The following FGF13 variants were observed in gnomAD, a reference collection of about 807,000 sequenced individuals.
FGF13 encodes fibroblast growth factor 13, also known as fibroblast growth factor homologous factor 2.
FGF13 carries 2 observed loss-of-function variants against 19.5 expected under a neutral mutation model. The observed-to-expected ratio is 0.10, with a 90% CI of 0.04 to 0.32. The LOEUF (loss-of-function observed/expected upper bound fraction) is 0.32. FGF13 is among the 10% of genes least tolerant of loss of function. The pLI is 1.00. For missense variants in FGF13, 113 were observed against 192.7 expected (o/e 0.59, Z 2.45); for synonymous variants, 72 against 76.9 (o/e 0.94, Z 0.33).
At chrX:138,806,632 TA>T (rs1339731488) in intron 3 of FGF13, 1 of 112,036 alleles carries the variant, frequency 8.9e-6, no homozygotes, top group Non-Finnish European at 1.9e-5. Context: ...GTGGTCTCTA[TA>T]AAACGCCTCA....
intron 3 of FGF13, among the ~76,000 whole-genome samples, chrX:138,811,959 A>G (rs1160498706): frequency 1.8e-5 from 2 of 108,796 alleles, no homozygotes; most frequent in African/African-American, 6.7e-5. Flanking sequence ...TTTTTTTTAC[A>G]GTTCAGTGGT....
intron 3 of FGF13, among the ~76,000 whole-genome samples, chrX:138,679,064 A>G (rs746454758): frequency 4.0e-4 from 45 of 111,684 alleles, no homozygotes; most frequent in Admixed American, 2.9e-3. Flanking sequence ...TAACCCCATG[A>G]ATAGATAATG....
chrX:138,808,147 C>T lies in FGF13; in HGVS notation c.217+49365G>A, dbSNP rs189262093. On this transcript the variant is annotated intron_variant, in intron 3 of 6. Coordinates refer to the FGF13 transcript ENST00000436198. ...AATCAACAGAATATACATTCTTCTC[C>T]GCACCACATCGCACTTATTCTAAAA... 2.9e-3 allele frequency among the ~76,000 whole-genome samples: 326 copies of T among 111,427 alleles called. 3 individuals carry two copies. Among genetic ancestry groups the T allele is most frequent in the African/African-American group, 9.4e-3 (287 of 30,662 alleles).
chrX:139,122,518 A>T lies in FGF13; in HGVS notation c.-113+80898T>A, dbSNP rs140941489. On this transcript the variant is annotated intron_variant, in intron 1 of 2. Transcript: ENST00000421460. Reference sequence around the variant, plus strand: ...TAGGCAATTCTCACTCATCTTATTCAACCTTTCTGTGGCATTTGACACGTG... The same window carrying T: ...TAGGCAATTCTCACTCATCTTATTCTACCTTTCTGTGGCATTTGACACGTG... Among the ~76,000 whole-genome samples the T allele has an allele frequency of 7.2e-5, 8 of 111,663 alleles. No individual in the cohort carries two copies. The East Asian group carries it at 2.3e-3, about 32-fold the overall frequency.
chrX:138,940,132 C>T (rs1413351657), intron 1 of FGF13, among the ~76,000 whole-genome samples: 5 of 110,876 alleles, frequency 4.5e-5, no homozygotes, highest in African/African-American at 1.6e-4. Context: ...TGAGATGCTA[C>T]GTTATTGTGG....
rs974045370 is a variant in FGF13, at chrX:138,627,631, G to C, written c.*5219C>G. 2 of 75,157 alleles carry C rather than the reference G, an allele frequency of 2.7e-5. No individual in the cohort carries two copies. Among genetic ancestry groups the C allele is most frequent in the African/African-American group, 1.2e-4 (2 of 16,836 alleles). 6.2% of individuals were successfully genotyped at this position (75,157 alleles called of 1,213,427 possible). A position where few individuals can be genotyped will look rare whatever the true frequency, so the allele number is the denominator to read the frequency against. ...TGTGTGTGTGTGTGTGTGTGTGCGC[G>C]TGTGTGTGTGTGTGTGTGTGAAGTG... On this transcript the variant is annotated 3_prime_UTR_variant, in exon 5 of 5. Transcript: ENST00000315930.
chrX:138,635,338 C>T (rs2089170725), intron 4 of FGF13, 119 bp downstream of exon 4: 1 of 673,641 alleles, frequency 1.5e-6, no homozygotes, highest in Non-Finnish European at 2.2e-6. Context: ...CAGAAATCAC[C>T]ACTAAATAGC....
At chrX:139,200,366 A>T (rs1465723509) in intron 1 of FGF13, among the ~76,000 whole-genome samples, 1 of 112,328 alleles carries the variant, frequency 8.9e-6, no homozygotes, top group Non-Finnish European at 1.9e-5. Context: ...TGGCTGCATG[A>T]CCACAGTGAC....
chrX:138,636,010 C>T (rs1184758479), intron 3 of FGF13, among the ~76,000 whole-genome samples: 1 of 111,983 alleles, frequency 8.9e-6, no homozygotes, highest in Non-Finnish European at 1.9e-5. Flanking sequence ...GCTTTGTTCC[C>T]TTCAGGGTTC....
At chrX:138,957,597 T>A (rs1188678188) in intron 1 of FGF13, among the ~76,000 whole-genome samples, 1 of 111,459 alleles carries the variant, frequency 9.0e-6, no homozygotes, top group African/African-American at 3.3e-5. Flanking sequence ...AATCTATAAA[T>A]TACCTTGGGC....
intron 1 of FGF13, among the ~76,000 whole-genome samples, chrX:138,984,345 T>A (rs1322721968): frequency 9.6e-6 from 1 of 104,553 alleles, no homozygotes; most frequent in African/African-American, 3.5e-5. Flanking sequence ...GAGGCGGAGG[T>A]TGTAGTGAAC....
chrX:138,876,932 C>A (rs1351682294), intron 1 of FGF13, among the ~76,000 whole-genome samples: 1 of 112,516 alleles, frequency 8.9e-6, no homozygotes, highest in East Asian at 2.8e-4. Flanking sequence ...TTAATAGAAT[C>A]TAAGTAAAGC....
upstream of FGF13, chrX:138,714,059 A>G (rs1377241554): frequency 9.0e-6 from 1 of 111,264 alleles, no homozygotes; most frequent in Non-Finnish European, 1.9e-5. Context: ...CCTCTGTCAC[A>G]TGTTCCTGCC....
intron 3 of FGF13, among the ~76,000 whole-genome samples, chrX:138,817,272 C>T (rs1418181664): frequency 8.0e-5 from 9 of 111,867 alleles, no homozygotes; most frequent in African/African-American, 1.3e-4. Flanking sequence ...TGGCCACAGA[C>T]ACTGGGCTTC....
intron 3 of FGF13, among the ~76,000 whole-genome samples, chrX:138,849,732 G>A (rs1347682172): frequency 1.8e-5 from 2 of 111,792 alleles, no homozygotes; most frequent in Non-Finnish European, 3.8e-5. Context: ...AAGTTGGCAA[G>A]ACATCATCCC....
intron 1 of FGF13, among the ~76,000 whole-genome samples, chrX:138,977,491 G>A (rs2091944263): frequency 8.9e-6 from 1 of 112,289 alleles, no homozygotes; most frequent in Non-Finnish European, 1.9e-5. Flanking sequence ...TGTGGGAAAA[G>A]GTTTCTTTTT....
rs2088991956 is a variant in FGF13, at chrX:138,619,008, A to T, written c.*13842T>A. ...TCAAATGTGAACATGGCAACACGAG[A>T]TTTCAAGGAACACCTGCCAAAAACA... On this transcript the variant is annotated 3_prime_UTR_variant, in exon 5 of 5. Transcript: ENST00000315930. 9.0e-6 allele frequency: 1 copy of T among 110,683 alleles called. No homozygotes were observed. The highest frequency in any genetic ancestry group is 1.9e-5 in the Non-Finnish European group (1 of 53,049). 9.1% of individuals were successfully genotyped at this position (110,683 alleles called of 1,213,427 possible).
In FGF13 at chrX:138,732,183, A is replaced by G. The variant is rs149285656; in HGVS notation, c.28+7059T>C. 8.4e-3 allele frequency among the ~76,000 whole-genome samples: 943 copies of G among 112,052 alleles called. 14 individuals are homozygous for G. Among genetic ancestry groups the G allele is most frequent in the African/African-American group, 0.029 (888 of 30,962 alleles). ...CCATTTGGGAAAATTCTTAGGCAGTAGCTCAAAAAGTTAAACTTATATCAA... is the reference window on the plus strand; with the variant it reads ...CCATTTGGGAAAATTCTTAGGCAGTGGCTCAAAAAGTTAAACTTATATCAA... On this transcript the variant is annotated intron_variant, in intron 1 of 4. Transcript: ENST00000305414.
At chrX:139,138,020 C>A (rs1295358110) in intron 1 of FGF13, among the ~76,000 whole-genome samples, 2 of 112,118 alleles carry the variant, frequency 1.8e-5, no homozygotes, top group African/African-American at 6.5e-5. Flanking sequence ...TAGGGACTAT[C>A]CTTTGTCAAT....
Sources: gnomAD v4.1 joint callset for allele counts (sites outside exome capture counted in the v4.1 genomes callset) on GRCh38, gnomAD v4.1.1 for gene constraint, MANE v1.5 for transcripts, NCBI Gene and HGNC (gene_info 2026-07-23, HGNC 2026-07-21) for gene names.